The following ATF7 variants were observed in gnomAD, a reference collection of about 807,000 sequenced individuals.
ATF7 encodes activating transcription factor 7.
ATF7 carries 10 observed loss-of-function variants against 50.4 expected under a neutral mutation model. The observed-to-expected ratio is 0.20, with a 90% CI of 0.12 to 0.34. The LOEUF (loss-of-function observed/expected upper bound fraction) is 0.34. Among genes scored for constraint, ATF7 ranks in the 10% least tolerant of loss-of-function variants. The pLI is 1.00. For synonymous variants in ATF7, 201 were observed against 226.4 expected, an observed-to-expected ratio of 0.89 and a Z score of 1.01; for missense variants, 465 against 613.9, an observed-to-expected ratio of 0.76 and a Z score of 2.56.
chr12:53,580,143 C>T (rs1942332668), intron 2 of ATF7, among the ~76,000 whole-genome samples: 1 of 151,550 alleles, frequency 6.6e-6, no homozygotes, highest in Non-Finnish European at 1.5e-5. Flanking sequence ...GTTGGCCAAG[C>T]TGGTCTCAAA....
chr12:53,589,783 G>A (rs560150296), intron 2 of ATF7, among the ~76,000 whole-genome samples: 2 of 152,284 alleles, frequency 1.3e-5, no homozygotes, highest in South Asian at 2.1e-4. Context: ...ACAGAAATCA[G>A]TATTTCTCCT....
At chr12:53,517,607 A>C (rs1291294759) in intron 11 of ATF7, 1 of 517,542 alleles carries the variant, frequency 1.9e-6, no homozygotes, top group Non-Finnish European at 3.5e-6. Context: ...CCAACATGTT[A>C]ATTACACTGT....
chr12:53,553,901 TCCTA>T (rs1940543549), intron 2 of ATF7, among the ~76,000 whole-genome samples: 1 of 152,196 alleles, frequency 6.6e-6, no homozygotes, highest in Non-Finnish European at 1.5e-5. Context: ...CCCATCCAGC[TCCTA>T]CCTGTCAGGA....
chr12:53,529,077 T>C (rs1938681058), intron 9 of ATF7, among the ~76,000 whole-genome samples: 1 of 152,112 alleles, frequency 6.6e-6, no homozygotes, highest in Non-Finnish European at 1.5e-5. Flanking sequence ...CCATCTCTTT[T>C]AAAATTATAT....
At chr12:53,536,191 ATAAG>A (rs1565930362) in intron 5 of ATF7, among the ~76,000 whole-genome samples, 1 of 152,006 alleles carries the variant, frequency 6.6e-6, no homozygotes, top group East Asian at 1.9e-4. Context: ...CTTGAATTTT[ATAAG>A]TATGTACTTT....
intron 8 of ATF7, among the ~76,000 whole-genome samples, 198 bp downstream of exon 8, chr12:53,532,312 T>C (rs966195953): frequency 2.0e-5 from 3 of 152,326 alleles, no homozygotes; most frequent in East Asian, 1.9e-4. Flanking sequence ...CCATGGTCTA[T>C]GTACCAGGCT....
intron 4 of ATF7, among the ~76,000 whole-genome samples, chr12:53,538,823 G>C (rs1343975979): frequency 6.6e-6 from 1 of 152,196 alleles, no homozygotes; most frequent in Non-Finnish European, 1.5e-5. Context: ...AGAGAAGGTA[G>C]TAGTGGTTCA....
chr12:53,583,019 C>T (rs1353727698), intron 2 of ATF7, among the ~76,000 whole-genome samples: 1 of 152,190 alleles, frequency 6.6e-6, no homozygotes, highest in Non-Finnish European at 1.5e-5. Flanking sequence ...GGTGCTGGAA[C>T]AACTGGACAT....
intron 2 of ATF7, among the ~76,000 whole-genome samples, chr12:53,557,541 C>T (rs188229151): frequency 1.3e-3 from 204 of 152,286 alleles, no homozygotes; most frequent in African/African-American, 4.9e-3. Flanking sequence ...TTCCTTTGTT[C>T]TTTGGCATTA....
rs185465502 is a variant in ATF7, at chr12:53,623,915, C to T, written c.-22+2364G>A. The stretch of plus-strand genomic sequence containing the variant: ...AGTAGAGCTATTAACATTTTAAAAC[C>T]GTGGTAAACAAACGTGTTTAAAAAT... On this transcript the variant is annotated intron_variant, in intron 1 of 11. Transcript: ENST00000420353. Among the ~76,000 whole-genome samples the T allele has an allele frequency of 5.3e-4, 81 of 152,222 alleles. 2 individuals are homozygous for T. Among genetic ancestry groups the T allele is most frequent in the African/African-American group, 1.9e-3 (78 of 41,536 alleles).
At chr12:53,510,368 A>T (rs1483107147), downstream of ATF7, among the ~76,000 whole-genome samples, 2 of 152,216 alleles carry the variant, frequency 1.3e-5, no homozygotes, top group Non-Finnish European at 2.9e-5. Context: ...GGGAGTATCA[A>T]GGCCACGGGG....
At position 53,517,194 on chromosome 12, in the gene ATF7, G is replaced by A. The variant is rs373095750; in HGVS notation, c.1395C>T (p.Ser465=). 1.5e-5 allele frequency: 25 copies of A among 1,613,864 alleles called. No individual in the cohort carries two copies. Among genetic ancestry groups the A allele is most frequent in the Non-Finnish European group, 2.0e-5 (24 of 1,179,912 alleles). Residue 465 remains serine, a synonymous_variant, in exon 12 of 12, where the codon AGC becomes AGT. Coordinates refer to ENST00000420353, the MANE Select transcript of ATF7 (RefSeq NM_006856.3). ...TGATTACATGCGATTGTATCGGCAT[G>A]CTCAGTTCTGTCCTTTGGCTGGCCA... ...TQMASQRTEL[S]MPIQSHVIMT...
Position 53,543,401 on chromosome 12 carries a change from C to G in ATF7, c.193G>C (p.Gly65Arg). 6.2e-7 allele frequency: 1 copy of G among 1,602,762 alleles called. No individual in the cohort carries two copies. The highest frequency in any genetic ancestry group is 8.5e-7 in the Non-Finnish European group (1 of 1,173,984). ...TRFLKNCEEV[G>R]LFNELASSFE... ...GAGCTAGCTAGTTCATTGAAGAGTC[C>G]CACCTCCTCACAGTTCTTCAGGAAT... is the stretch of plus-strand genomic sequence containing the variant. The change falls in exon 4 of 12, where the codon GGA (glycine) becomes CGA (arginine). Residue 65 changes from glycine to arginine, a missense_variant. Gly to Arg is a moderately radical substitution (Grantham distance 125). Coordinates refer to ENST00000420353, the MANE Select transcript of ATF7 (RefSeq NM_006856.3).
At chr12:53,603,837 C>T (rs1197824435) in intron 1 of ATF7, among the ~76,000 whole-genome samples, 1 of 152,028 alleles carries the variant, frequency 6.6e-6, no homozygotes, top group East Asian at 1.9e-4. Context: ...CTATCTAACA[C>T]TTAAAACAAA....
At chr12:53,617,444 A>G (rs758271710) in intron 1 of ATF7, among the ~76,000 whole-genome samples, 3 of 152,178 alleles carry the variant, frequency 2.0e-5, no homozygotes, top group African/African-American at 7.2e-5. Flanking sequence ...CCTGGCCAAC[A>G]TGGTTGAAAC....
At chr12:53,601,483 A>C (rs1197992792) in intron 1 of ATF7, among the ~76,000 whole-genome samples, 1 of 152,166 alleles carries the variant, frequency 6.6e-6, no homozygotes, top group Admixed American at 6.5e-5. Flanking sequence ...CTGGTGTATA[A>C]ACTACGAGAC....
chr12:53,598,706 T>C (rs1371913964), intron 2 of ATF7, among the ~76,000 whole-genome samples: 3 of 152,222 alleles, frequency 2.0e-5, no homozygotes, highest in Non-Finnish European at 4.4e-5. Context: ...TAAGACAGCC[T>C]GAAAAGGTGT....
chr12:53,577,438 C>T (rs1233467091), intron 2 of ATF7, among the ~76,000 whole-genome samples: 3 of 151,502 alleles, frequency 2.0e-5, no homozygotes, highest in South Asian at 2.1e-4. Flanking sequence ...CACACACGGC[C>T]GGGCGCGGTG....
intron 2 of ATF7, among the ~76,000 whole-genome samples, chr12:53,582,480 C>T (rs1942473917): frequency 6.6e-6 from 1 of 151,710 alleles, no homozygotes; most frequent in African/African-American, 2.4e-5. Context: ...TACCAACACC[C>T]CCCGCCCCAA....
Sources: gnomAD v4.1 joint callset for allele counts (sites outside exome capture counted in the v4.1 genomes callset) on GRCh38, gnomAD v4.1.1 for gene constraint, MANE v1.5 for transcripts, NCBI Gene and HGNC (gene_info 2026-07-23, HGNC 2026-07-21) for gene names.